KDM4C: variants seen among roughly 807,000 people sequenced by gnomAD.
The protein encoded by KDM4C is lysine-specific demethylase 4C.
KDM4C carries 81 observed loss-of-function variants against 129.3 expected under a neutral mutation model. The ratio of observed to expected loss-of-function variants is 0.63; its 90% CI spans 0.52 to 0.75. KDM4C has a LOEUF of 0.75. KDM4C is among the 30% of genes least tolerant of loss of function. The pLI, the probability that KDM4C is intolerant of heterozygous loss-of-function variation, is 0.00. For synonymous variants in KDM4C, 573 were observed against 456.1 expected (o/e 1.26, Z -3.26); for missense variants, 1,457 against 1,304.0 (o/e 1.12, Z -1.81).
In KDM4C at chr9:7,076,679, C is replaced by T. The variant is rs144455034; in HGVS notation, c.2425-27006C>T. ...TCTGTCATTTTCCTCTGGATCCTCA[C>T]ACCTTTGTGTTTAATTTTTTTAAAT... On this transcript the variant is annotated intron_variant, in intron 17 of 21. Transcript: ENST00000381309. 2.2e-3 allele frequency: 2,811 copies of T among 1,292,066 alleles called. 56 individuals carry two copies. The African/African-American group carries it at 0.037, about 17-fold the overall frequency. The allele number at this position is 1,292,066 out of a possible 1,614,324, so 80.0% of individuals were successfully genotyped here. A position where few individuals can be genotyped will look rare whatever the true frequency, so the allele number is the denominator to read the frequency against.
At chr9:6,952,495 C>T (rs982069959) in intron 8 of KDM4C, among the ~76,000 whole-genome samples, 3 of 151,464 alleles carry the variant, frequency 2.0e-5, no homozygotes, top group African/African-American at 7.3e-5. Flanking sequence ...GGCTGGAGTG[C>T]AGTGGCACGA....
intron 19 of KDM4C, among the ~76,000 whole-genome samples, 178 bp downstream of exon 19, chr9:7,128,414 T>G (rs1319837823): frequency 6.6e-6 from 1 of 152,182 alleles, no homozygotes; most frequent in Non-Finnish European, 1.5e-5. Context: ...CACATTCTTT[T>G]TTTGGCCAAA....
intron 4 of KDM4C, among the ~76,000 whole-genome samples, chr9:6,840,362 T>A (rs961205417): frequency 6.6e-6 from 1 of 151,982 alleles, no homozygotes; most frequent in Admixed American, 6.6e-5. Flanking sequence ...CACGAGCCAC[T>A]GAACCTGGCC....
At chr9:6,831,463 C>T (rs1194369664) in intron 4 of KDM4C, among the ~76,000 whole-genome samples, 1 of 152,144 alleles carries the variant, frequency 6.6e-6, no homozygotes, top group Non-Finnish European at 1.5e-5. Flanking sequence ...CTGCCATAGC[C>T]TTCCCAGTAA....
chr9:6,848,445 T>A (rs1368400158), intron 4 of KDM4C, among the ~76,000 whole-genome samples: 1 of 152,058 alleles, frequency 6.6e-6, no homozygotes, highest in Non-Finnish European at 1.5e-5. Context: ...GGTGGGCAGG[T>A]CACTTGAGGC....
Position 6,812,728 on chromosome 9 carries a change from A to G in KDM4C, c.321-1903A>G, listed in dbSNP as rs1831390001. The stretch of plus-strand genomic sequence containing the variant: ...GGATTGGGGACCCATTCTCCGGGAA[A>G]TAGGGATGTACACCTGTCTCTGTCA... On this transcript the variant is annotated intron_variant, in intron 3 of 21. Coordinates refer to ENST00000381309, the MANE Select transcript of KDM4C (RefSeq NM_015061.6). 2.0e-5 allele frequency among the ~76,000 whole-genome samples: 3 copies of G among 152,288 alleles called. No homozygotes were observed. The South Asian group carries it at 6.2e-4, about 32-fold the overall frequency.
At chr9:6,900,509 C>G (rs1282931404) in intron 8 of KDM4C, among the ~76,000 whole-genome samples, 1 of 152,212 alleles carries the variant, frequency 6.6e-6, no homozygotes, top group East Asian at 1.9e-4. Context: ...GTGGCATACG[C>G]CTGTCATCCC....
intron 1 of KDM4C, among the ~76,000 whole-genome samples, chr9:6,741,676 C>CTTTTTTTTT (rs71315557): frequency 1.2e-4 from 11 of 94,070 alleles, no homozygotes; most frequent in African/African-American, 3.0e-4. Context: ...GGTGGCAGCT[C>CTTTTTTTTT]TTTTTTTTTT....
At chr9:7,003,354 A>G (rs1821079806) in intron 12 of KDM4C, among the ~76,000 whole-genome samples, 2 of 152,050 alleles carry the variant, frequency 1.3e-5, no homozygotes, top group Admixed American at 1.3e-4. Context: ...ATGTTCTGTA[A>G]GAAACTTCAG....
intron 5 of KDM4C, among the ~76,000 whole-genome samples, chr9:6,862,695 T>C (rs1256222051): frequency 6.6e-6 from 1 of 152,102 alleles, no homozygotes; most frequent in East Asian, 1.9e-4. Flanking sequence ...TAATCCCAGC[T>C]ACTCAGGAGG....
chr9:7,091,389 A>G (rs1304759851), intron 17 of KDM4C, among the ~76,000 whole-genome samples: 3 of 152,164 alleles, frequency 2.0e-5, no homozygotes, highest in African/African-American at 4.8e-5. Context: ...TTTCCACTCC[A>G]CTACTATAGA....
intron 17 of KDM4C, among the ~76,000 whole-genome samples, chr9:7,060,150 G>A (rs979311542): frequency 6.0e-5 from 9 of 150,246 alleles, no homozygotes; most frequent in South Asian, 2.1e-4. Context: ...GAATAGTTCT[G>A]TCCTCCACCA....
At position 6,942,282 on chromosome 9, in the gene KDM4C, A is replaced by AGTGTGTGTGTGT. The variant is rs58676459; in HGVS notation, c.922-38614_922-38603dup. On this transcript the variant is annotated intron_variant, in intron 8 of 21. Coordinates refer to ENST00000381309, the MANE Select transcript of KDM4C (RefSeq NM_015061.6). ...TTCTTTCTCATGTTCTAGCCCTCAAAGTGTGTGTGTGTGTGTGTGTGTGTG... is the reference window on the plus strand; with the variant it reads ...TTCTTTCTCATGTTCTAGCCCTCAAAGTGTGTGTGTGTGTGTGTGTGTGTGTGTGTGTGTGTG... Among the ~76,000 whole-genome samples the AGTGTGTGTGTGT allele has an allele frequency of 6.5e-3, 930 of 142,682 alleles. 9 individuals are homozygous for AGTGTGTGTGTGT. The highest frequency in any genetic ancestry group is 0.014 in the Middle Eastern group (4 of 292). The allele number at this position is 142,682 out of a possible 152,430, so 93.6% of individuals were successfully genotyped here. A position where few individuals can be genotyped will look rare whatever the true frequency, so the allele number is the denominator to read the frequency against.
intron 2 of KDM4C, among the ~76,000 whole-genome samples, chr9:6,796,559 C>A (rs1827795167): frequency 6.6e-6 from 1 of 152,120 alleles, no homozygotes; most frequent in Admixed American, 6.5e-5. Context: ...CAGCAGCTAC[C>A]CTCACAAGGG....
chr9:7,055,722 T>C (rs749337352), intron 17 of KDM4C, among the ~76,000 whole-genome samples: 2 of 152,230 alleles, frequency 1.3e-5, no homozygotes, highest in Non-Finnish European at 2.9e-5. Context: ...GCATGTTCTC[T>C]TGCCAACTGA....
intron 17 of KDM4C, among the ~76,000 whole-genome samples, chr9:7,058,318 G>A (rs1831158593): frequency 6.6e-6 from 1 of 152,140 alleles, no homozygotes; most frequent in Non-Finnish European, 1.5e-5. Flanking sequence ...GACTAACGAT[G>A]CAAGTGCAAC....
At chr9:6,814,607 A>T (rs761630213) in intron 3 of KDM4C, 24 bp from the exon 4 acceptor site, 12 of 1,436,472 alleles carry the variant, frequency 8.4e-6, no homozygotes, top group Middle Eastern at 1.8e-4. Flanking sequence ...TGGTTTGTAC[A>T]TTTTTGTCAT....
At chr9:7,057,191 G>T (rs1471278832) in intron 17 of KDM4C, among the ~76,000 whole-genome samples, 1 of 152,144 alleles carries the variant, frequency 6.6e-6, no homozygotes, top group Non-Finnish European at 1.5e-5. Flanking sequence ...AAAGCTTTTT[G>T]TGTAAAGTGA....
intron 4 of KDM4C, among the ~76,000 whole-genome samples, chr9:6,835,941 G>C (rs1396082354): frequency 6.6e-6 from 1 of 152,156 alleles, no homozygotes; most frequent in Admixed American, 6.5e-5. Context: ...AGTCCACATA[G>C]GGGAGGTTTC....
Sources: allele counts gnomAD v4.1 joint callset (sites outside exome capture counted in the v4.1 genomes callset), GRCh38; gene constraint gnomAD v4.1.1; transcripts MANE v1.5; gene names NCBI Gene and HGNC (gene_info 2026-07-23, HGNC 2026-07-21).